KIF16B: variants seen among roughly 807,000 people sequenced by gnomAD.
The protein encoded by KIF16B is kinesin family member 16B.
Under a neutral mutation model 156.3 loss-of-function variants are expected in KIF16B, and 98 were observed. The observed-to-expected ratio is 0.63, with a 90% confidence interval of 0.53 to 0.74. KIF16B has a LOEUF of 0.74. KIF16B is among the 30% of genes least tolerant of loss of function. The pLI, the probability that KIF16B is intolerant of heterozygous loss-of-function variation, is 0.00. For missense variants in KIF16B, 1,421 were observed against 1,606.5 expected (o/e 0.88, Z 1.97); for synonymous variants, 564 against 583.7 (o/e 0.97, Z 0.49).
intron 24 of KIF16B, among the ~76,000 whole-genome samples, chr20:16,332,582 TA>T (rs1459004343): frequency 6.6e-6 from 1 of 152,120 alleles, no homozygotes; most frequent in Non-Finnish European, 1.5e-5. Flanking sequence ...GCCACAAAAT[TA>T]AACACAACAT....
chr20:16,511,305 T>C (rs2068948078), intron 6 of KIF16B, 113 bp downstream of exon 6: 1 of 543,016 alleles, frequency 1.8e-6, no homozygotes, highest in South Asian at 4.0e-5. Flanking sequence ...ATAATAAAAT[T>C]CCAAAATTAA....
At chr20:16,292,467 C>G (rs535239386) in intron 25 of KIF16B, among the ~76,000 whole-genome samples, 1 of 152,040 alleles carries the variant, frequency 6.6e-6, no homozygotes, top group Non-Finnish European at 1.5e-5. Context: ...GCAGTTTACA[C>G]GGGCAACAAA....
In KIF16B at chr20:16,467,409, AAC is replaced by A. The variant is rs766624303; in HGVS notation, c.1302+26880_1302+26881del. Among the ~76,000 whole-genome samples the A allele has an allele frequency of 9.7e-4, 147 of 152,314 alleles. 1 individual carries two copies. Among genetic ancestry groups the A allele is most frequent in the Non-Finnish European group, 1.4e-3 (93 of 68,030 alleles). On this transcript the variant is annotated intron_variant, in intron 12 of 25. Coordinates refer to ENST00000354981, the MANE Select transcript of KIF16B (RefSeq NM_024704.5). ...ACTTACAAGGCAAACTAAAAAGCAA[AAC>A]ACAGTTTTGAAGAGACTGAAAAACA...
chr20:16,374,235 G>A (rs1715613947), intron 20 of KIF16B, 22 bp downstream of exon 20: 2 of 1,514,748 alleles, frequency 1.3e-6, no homozygotes, highest in Admixed American at 2.1e-5. Context: ...GAGAAGCCTG[G>A]AATCACTTTC....
intron 12 of KIF16B, among the ~76,000 whole-genome samples, chr20:16,468,297 C>A (rs553376436): frequency 6.6e-6 from 1 of 152,080 alleles, no homozygotes; most frequent in Admixed American, 6.6e-5. Flanking sequence ...ATAGGCCGGG[C>A]GCAGTGGCTC....
chr20:16,344,902 T>C (rs1386635394), intron 23 of KIF16B, among the ~76,000 whole-genome samples: 3 of 152,172 alleles, frequency 2.0e-5, no homozygotes, highest in Non-Finnish European at 4.4e-5. Flanking sequence ...GCTACATTCA[T>C]TTCCCTTCCT....
At chr20:16,503,357 AT>A (rs892732508) in intron 10 of KIF16B, among the ~76,000 whole-genome samples, 4 of 152,330 alleles carry the variant, frequency 2.6e-5, no homozygotes, top group African/African-American at 9.6e-5. Context: ...ATGTGGAGAT[AT>A]TTTTAAGCAC....
At chr20:16,571,448 G>T (rs910723718) in intron 1 of KIF16B, among the ~76,000 whole-genome samples, 1 of 151,982 alleles carries the variant, frequency 6.6e-6, no homozygotes, top group African/African-American at 2.4e-5. Context: ...CATGTACCTG[G>T]GCTCCAGGCC....
At chr20:16,393,023 G>T (rs2065407798) in intron 17 of KIF16B, among the ~76,000 whole-genome samples, 1 of 152,000 alleles carries the variant, frequency 6.6e-6, no homozygotes, top group South Asian at 2.1e-4. Context: ...ATAAAATGAA[G>T]AATCATATTC....
chr20:16,478,611 C>A (rs2067886533), intron 12 of KIF16B, among the ~76,000 whole-genome samples: 1 of 152,186 alleles, frequency 6.6e-6, no homozygotes, highest in Admixed American at 6.5e-5. Context: ...TCCAGCATAT[C>A]CATGCTGTAT....
At chr20:16,404,225 G>A (rs2065725382) in intron 17 of KIF16B, among the ~76,000 whole-genome samples, 2 of 152,196 alleles carry the variant, frequency 1.3e-5, no homozygotes, top group South Asian at 4.2e-4. Context: ...CAACCGAAAA[G>A]GGCCCTCAAA....
intron 24 of KIF16B, among the ~76,000 whole-genome samples, chr20:16,319,485 T>G (rs1334746070): frequency 1.3e-5 from 2 of 152,298 alleles, no homozygotes; most frequent in East Asian, 3.9e-4. Context: ...GATCAACAAC[T>G]CTTTTTAGAT....
intron 20 of KIF16B, among the ~76,000 whole-genome samples, chr20:16,372,592 G>A (rs1292363014): frequency 6.6e-6 from 1 of 152,218 alleles, no homozygotes; most frequent in Non-Finnish European, 1.5e-5. Context: ...AGAGAGACTA[G>A]AGAATTTTAT....
At chr20:16,529,083 T>C (rs972901178) in intron 1 of KIF16B, among the ~76,000 whole-genome samples, 1 of 152,236 alleles carries the variant, frequency 6.6e-6, no homozygotes, top group Non-Finnish European at 1.5e-5. Flanking sequence ...GGATATACTG[T>C]TCAGTGGAGA....
intron 17 of KIF16B, among the ~76,000 whole-genome samples, chr20:16,395,105 C>T (rs6111090): frequency 0.48 from 67,786 of 140,766 alleles, 17,616 homozygotes; most frequent in East Asian, 0.69. Context: ...CCCCTGTCAT[C>T]GGTGTCTTCT....
At chr20:16,462,810 C>T (rs180699158) in intron 12 of KIF16B, among the ~76,000 whole-genome samples, 299 of 152,260 alleles carry the variant, frequency 2.0e-3, no homozygotes, top group Non-Finnish European at 3.4e-3. Context: ...GGGCAAATGC[C>T]AGCAGCTGTG....
intron 24 of KIF16B, 95 bp from the exon 25 acceptor site, chr20:16,312,513 G>A: frequency 2.1e-6 from 2 of 948,048 alleles, no homozygotes; most frequent in Non-Finnish European, 3.2e-6. Flanking sequence ...TCCATGGGGT[G>A]AAAAGAAAGA....
chr20:16,333,106 A>G (rs925202493), intron 24 of KIF16B, among the ~76,000 whole-genome samples: 1 of 152,152 alleles, frequency 6.6e-6, no homozygotes, highest in Non-Finnish European at 1.5e-5. Flanking sequence ...CTCTTTGCCC[A>G]CATTCCTCTA....
At chr20:16,453,984 G>A (rs903032143) in intron 12 of KIF16B, among the ~76,000 whole-genome samples, 3 of 152,066 alleles carry the variant, frequency 2.0e-5, no homozygotes, top group Non-Finnish European at 4.4e-5. Context: ...ATGCACACAC[G>A]CATTATTCTC....
Sources: gnomAD v4.1 joint callset for allele counts (sites outside exome capture counted in the v4.1 genomes callset) on GRCh38, gnomAD v4.1.1 for gene constraint, MANE v1.5 for transcripts, NCBI Gene and HGNC (gene_info 2026-07-23, HGNC 2026-07-21) for gene names.